EEF1E1: variants seen among roughly 807,000 people sequenced by gnomAD.
EEF1E1 encodes the protein eukaryotic translation elongation factor 1 epsilon 1.
In EEF1E1, 19 loss-of-function variants were observed where a neutral mutation model predicts 19.9. The observed-to-expected ratio is 0.95, with a 90% CI of 0.66 to 1.40. EEF1E1 has a LOEUF of 1.40. Ranked by LOEUF, EEF1E1 falls within the 40% of genes most tolerant of loss-of-function variation. The pLI is 0.00. For synonymous variants in EEF1E1, 81 were observed against 80.0 expected, an observed-to-expected ratio of 1.01 and a Z score of -0.07; for missense variants, 198 against 202.2, an observed-to-expected ratio of 0.98 and a Z score of 0.13.
chr6:8,099,779 CACACACACACACA>C (rs1554099759), intron 1 of EEF1E1, among the ~76,000 whole-genome samples: 1 of 107,938 alleles, frequency 9.3e-6, no homozygotes, highest in Admixed American at 9.8e-5. Context: ...CACACACACA[CACACACACACACA>C]AAAAAAAAAC....
At chr6:8,073,452 T>C in exon 4 of EEF1E1, 1 of 1,551,408 alleles carries the variant, frequency 6.4e-7, no homozygotes, top group Non-Finnish European at 8.7e-7. Flanking sequence ...TTCCTTGATC[T>C]CAGTTCCTTG....
chr6:8,102,523 T>G lies in EEF1E1; in HGVS notation c.-2A>C. On this transcript the variant is annotated 5_prime_UTR_variant, in exon 1 of 4. Coordinates refer to ENST00000379715, the MANE Select transcript of EEF1E1 (RefSeq NM_004280.5). ...CGACAACTCTGCGGCCGCCGCCATCTTCCGGCCGTAGCTCCTGGCAGACGC... is the reference window on the plus strand; with the variant it reads ...CGACAACTCTGCGGCCGCCGCCATCGTCCGGCCGTAGCTCCTGGCAGACGC... 6.2e-7 allele frequency: 1 copy of G among 1,610,134 alleles called. No homozygotes were observed. The highest frequency in any genetic ancestry group is 8.5e-7 in the Non-Finnish European group (1 of 1,179,932).
chr6:8,091,444 A>C (rs6926897), intron 2 of EEF1E1, among the ~76,000 whole-genome samples: 1 of 152,068 alleles, frequency 6.6e-6, no homozygotes, highest in Admixed American at 6.5e-5. Context: ...TAACCCCTTA[A>C]CAAACATATG....
intron 1 of EEF1E1, 70 bp from the exon 2 acceptor site, chr6:8,097,537 AC>A: frequency 1.6e-6 from 2 of 1,233,120 alleles, no homozygotes; most frequent in Non-Finnish European, 1.1e-6. Flanking sequence ...CTTCTAAGTA[AC>A]CACGAAATCC....
At chr6:8,088,519 G>A (rs1757929416) in intron 3 of EEF1E1, among the ~76,000 whole-genome samples, 1 of 152,116 alleles carries the variant, frequency 6.6e-6, no homozygotes, top group Non-Finnish European at 1.5e-5. Context: ...TTTATAAGTG[G>A]GAGTTCCCCT....
chr6:8,096,704 A>C (rs991841171), intron 2 of EEF1E1, among the ~76,000 whole-genome samples: 1 of 152,112 alleles, frequency 6.6e-6, no homozygotes, highest in Non-Finnish European at 1.5e-5. Context: ...CTTCATTTGG[A>C]ATTTTTTTTT....
At chr6:8,077,221 GC>G (rs1422323251), downstream of EEF1E1, among the ~76,000 whole-genome samples, 1 of 152,202 alleles carries the variant, frequency 6.6e-6, no homozygotes, top group Non-Finnish European at 1.5e-5. Context: ...GGGATTACAA[GC>G]ATGAGTCACT....
intron 2 of EEF1E1, among the ~76,000 whole-genome samples, chr6:8,092,168 C>T (rs1407956082): frequency 6.6e-6 from 1 of 152,178 alleles, no homozygotes; most frequent in African/African-American, 2.4e-5. Context: ...CCTCCTAACT[C>T]CATAACTTTG....
intron 3 of EEF1E1, among the ~76,000 whole-genome samples, chr6:8,082,244 T>C (rs1464351143): frequency 6.6e-6 from 1 of 152,220 alleles, no homozygotes; most frequent in East Asian, 1.9e-4. Flanking sequence ...CTCCTAAAGC[T>C]TCTAAAAATT....
chr6:8,102,088 G>GAA (rs560208901), intron 1 of EEF1E1: 25,252 of 1,011,656 alleles, frequency 0.025, 41 homozygotes, highest in Non-Finnish European at 0.029. Flanking sequence ...GCGATTACGG[G>GAA]AAAAAAAAAA....
rs139753629 is a variant in EEF1E1 at position 8,084,821 on chromosome 6, T to G, written c.385-4791A>C. Among the ~76,000 whole-genome samples the G allele has an allele frequency of 1.8e-3, 271 of 152,328 alleles. 3 individuals carry two copies. The highest frequency in any genetic ancestry group is 6.3e-3 in the African/African-American group (260 of 41,574). ...TCACAGCAGCACAGTCTCACTAAAA[T>G]GAAGTACAGACTCCCTCAAGTTCAA... On this transcript the variant is annotated intron_variant, in intron 3 of 3. Transcript: ENST00000379715.
intron 1 of EEF1E1, among the ~76,000 whole-genome samples, chr6:8,098,585 C>A (rs569072063): frequency 7.9e-5 from 12 of 152,160 alleles, no homozygotes; most frequent in Non-Finnish European, 1.6e-4. Flanking sequence ...TTTTCACTTT[C>A]CATTCACTAT....
chr6:8,081,542 G>C (rs2113637718), intron 3 of EEF1E1, among the ~76,000 whole-genome samples: 1 of 152,288 alleles, frequency 6.6e-6, no homozygotes, highest in East Asian at 1.9e-4. Context: ...GGAATAAACT[G>C]AGCATCAGTC....
intron 2 of EEF1E1, among the ~76,000 whole-genome samples, chr6:8,096,272 T>C (rs1352040930): frequency 6.6e-6 from 1 of 152,226 alleles, no homozygotes; most frequent in African/African-American, 2.4e-5. Context: ...TCACTTGTTA[T>C]TTGCCTGAAA....
At chr6:8,080,140 C>T (rs1474594662) in intron 3 of EEF1E1, 110 bp from the exon 4 acceptor site, 3 of 1,217,344 alleles carry the variant, frequency 2.5e-6, no homozygotes, top group Non-Finnish European at 3.5e-6. Context: ...ATCAATCCCC[C>T]AAGAGCTCTC....
intron 1 of EEF1E1, among the ~76,000 whole-genome samples, chr6:8,101,243 A>AAAT (rs1271033598): frequency 3.4e-5 from 2 of 58,478 alleles, no homozygotes; most frequent in Non-Finnish European, 5.8e-5. Flanking sequence ...AAAAAAAAAA[A>AAAT]ATATATATAT....
chr6:8,101,239 AAAAAATATATATATATATATAT>A (rs1758344954), intron 1 of EEF1E1, among the ~76,000 whole-genome samples: 1 of 75,604 alleles, frequency 1.3e-5, no homozygotes, highest in East Asian at 2.9e-4. Flanking sequence ...AAAAAAAAAA[AAAAAATATATATATATATATAT>A]ATATATATAT....
At chr6:8,089,525 C>T (rs1757959540) in intron 3 of EEF1E1, among the ~76,000 whole-genome samples, 1 of 152,148 alleles carries the variant, frequency 6.6e-6, no homozygotes, top group Admixed American at 6.5e-5. Flanking sequence ...GGCTGGGAGG[C>T]TAAGCCAGTC....
intron 1 of EEF1E1, among the ~76,000 whole-genome samples, chr6:8,099,789 C>CAAAAA (rs1480435847): frequency 3.4e-4 from 30 of 89,550 alleles, no homozygotes; most frequent in Admixed American, 6.5e-4. Context: ...CACACACACA[C>CAAAAA]ACAAAAAAAA....
Sources: allele counts gnomAD v4.1 joint callset (sites outside exome capture counted in the v4.1 genomes callset), GRCh38; gene constraint gnomAD v4.1.1; transcripts MANE v1.5; gene names NCBI Gene and HGNC (gene_info 2026-07-23, HGNC 2026-07-21).